Variants in LCE1F observed in about 807,000 individuals in gnomAD.
LCE1F encodes late cornified envelope 1F, also known as late cornified envelope protein 1F.
For synonymous variants in LCE1F, 67 were observed against 59.9 expected (o/e 1.12, Z -0.55); for missense variants, 154 against 153.5 (o/e 1.00, Z -0.02).
In LCE1F at chr1:152,776,481, G is replaced by T. The variant is rs115719095; in HGVS notation, c.110G>T (p.Cys37Phe). The T allele has an allele frequency of 7.6e-5, 122 of 1,599,110 alleles. No homozygotes were observed. In the East Asian group the frequency reaches 2.6e-3, roughly 35 times the overall value. Residue 37 changes from cysteine (C) to phenylalanine (F), a missense_variant, in exon 2 of 2, where the codon TGC becomes TTC. Cys to Phe is a radical substitution (Grantham distance 205). Coordinates refer to ENST00000334371, the MANE Select transcript of LCE1F (RefSeq NM_178354.3). ...TGCCCCCCAAAGTGTCCCCCTAAGTGCCCTCCTGTCTCTTCCTGCTGCAGC... is the reference window on the plus strand; with the variant it reads ...TGCCCCCCAAAGTGTCCCCCTAAGTTCCCTCCTGTCTCTTCCTGCTGCAGC... ...PKCPPKCPPKCPPVSSCCSVS... is the reference protein window; with the variant it reads ...PKCPPKCPPKFPPVSSCCSVS...
In LCE1F at chr1:152,776,511, G is replaced by C. The variant is rs768847431; in HGVS notation, c.140G>C (p.Ser47Thr). The change falls in exon 2 of 2, where the codon AGC becomes ACC. Residue 47 changes from serine (S) to threonine (T), a missense_variant. Coordinates refer to ENST00000334371, the MANE Select transcript of LCE1F (RefSeq NM_178354.3). Reference sequence around the variant, plus strand: ...CCTGTCTCTTCCTGCTGCAGCGTCAGCTCCGGAGGCTGCTGTGGCTCCAGC... The same window carrying C: ...CCTGTCTCTTCCTGCTGCAGCGTCACCTCCGGAGGCTGCTGTGGCTCCAGC... ...CPPVSSCCSV[S>T]SGGCCGSSSG... The C allele has an allele frequency of 1.9e-6, 3 of 1,602,322 alleles. No homozygotes were observed. The highest frequency in any genetic ancestry group is 2.5e-6 in the Non-Finnish European group (3 of 1,176,582).
chr1:152,776,541 G>C lies in LCE1F; in HGVS notation c.170G>C (p.Gly57Ala). Reference protein sequence around the residue: ...SSGGCCGSSSGGCCSSGGGGC... With the variant: ...SSGGCCGSSSAGCCSSGGGGC... ...GGAGGCTGCTGTGGCTCCAGCTCTG[G>C]GGGCTGCTGCAGCTCTGGGGGTGGT... The change falls in exon 2 of 2, where the codon GGG (glycine) becomes GCG (alanine). Residue 57 changes from glycine to alanine, a missense_variant. Physicochemically the swap from Gly to Ala is moderately conservative, Grantham distance 60. Coordinates refer to ENST00000334371, the MANE Select transcript of LCE1F (RefSeq NM_178354.3). The C allele has an allele frequency of 6.2e-7, 1 of 1,606,988 alleles. No individual in the cohort carries two copies. The highest frequency in any genetic ancestry group is 8.5e-7 in the Non-Finnish European group (1 of 1,174,702).
chr1:152,776,450 C>T lies in LCE1F; in HGVS notation c.79C>T (p.Pro27Ser). 1 of 1,596,668 alleles carries T rather than the reference C, an allele frequency of 6.3e-7. No homozygotes were observed. Among genetic ancestry groups the T allele is most frequent in the Non-Finnish European group, 8.5e-7 (1 of 1,175,086 alleles). The change falls in exon 2 of 2, where the codon CCG becomes TCG. Residue 27 changes from proline to serine, a missense_variant. Pro to Ser is a moderately conservative substitution (Grantham distance 74). Transcript: ENST00000334371. ...CAAGTGCCCTCCCAAGTGCCCCACA[C>T]CGAAGTGCCCCCCAAAGTGTCCCCC... Reference protein sequence around the residue: ...TPKCPPKCPTPKCPPKCPPKC... With the variant: ...TPKCPPKCPTSKCPPKCPPKC...
rs1414747405 is a variant in LCE1F at position 152,776,659 on chromosome 1, C to T, written c.288C>T (p.Cys96=). 1 of 1,606,682 alleles carries T rather than the reference C, an allele frequency of 6.2e-7. No homozygotes were observed. Among genetic ancestry groups the T allele is most frequent in the Non-Finnish European group, 8.5e-7 (1 of 1,175,946 alleles). ...ACAGACCCCAGAGCTCTGACTGCTG[C>T]AGCCAGCCCTCAGCGGGCTCCAGCT... ...HRHRPQSSDC[C]SQPSAGSSCC... is the part of the protein sequence containing the mutation. Residue 96 remains cysteine, a synonymous_variant, in exon 2 of 2, where the codon TGC becomes TGT. Coordinates refer to ENST00000334371, the MANE Select transcript of LCE1F (RefSeq NM_178354.3).
intron 1 of LCE1F, among the ~76,000 whole-genome samples, 147 bp from the exon 2 acceptor site, chr1:152,776,203 T>C (rs561668786): frequency 3.5e-4 from 53 of 152,154 alleles, no homozygotes; most frequent in Non-Finnish European, 3.4e-4. Context: ...TTGGTAAACA[T>C]TGAGAGTGAT....
chr1:152,776,933 G>A lies in LCE1F; in HGVS notation c.*205G>A, dbSNP rs564810400. 1.3e-5 allele frequency among the ~76,000 whole-genome samples: 2 copies of A among 152,250 alleles called. No individual in the cohort carries two copies. The highest frequency in any genetic ancestry group is 2.1e-4 in the South Asian group (1 of 4,818). ...GATTCCATCTGTGCGCCTGGCCTGG[G>A]AATACCAAATAGAAGTCCTTGCCTC... On this transcript the variant is annotated 3_prime_UTR_variant, in exon 2 of 2. Coordinates refer to ENST00000334371, the MANE Select transcript of LCE1F (RefSeq NM_178354.3).
rs1651595724 is a variant in LCE1F, at chr1:152,776,406, C to T, written c.35C>T (p.Pro12Leu). ...CAGCAGAGCCAGCAGCAGTGCCAGC[C>T]CCCTCCCAAGTGCACTCCCAAGTGC... ...SCQQSQQQCQ[P>L]PPKCTPKCPP... The change falls in exon 2 of 2, where the codon CCC (proline) becomes CTC (leucine). Residue 12 changes from proline (P) to leucine (L), a missense_variant. Transcript: ENST00000334371. 1 of 1,614,014 alleles carries T rather than the reference C, an allele frequency of 6.2e-7. No individual in the cohort carries two copies. Among genetic ancestry groups the T allele is most frequent in the Non-Finnish European group, 8.5e-7 (1 of 1,180,000 alleles).
chr1:152,776,620 T>G lies in LCE1F; in HGVS notation c.249T>G (p.Arg83=), dbSNP rs749984199. ...GTTGCCTGAGCCACCACAGACGGCG[T>G]AGGTCCCACCGCCACAGACCCCAGA... ...GGCCLSHHRR[R]RSHRHRPQSS... The change falls in exon 2 of 2, where the codon CGT becomes CGG. Residue 83 remains arginine, a synonymous_variant. Coordinates refer to ENST00000334371, the MANE Select transcript of LCE1F (RefSeq NM_178354.3). The G allele has an allele frequency of 1.2e-6, 2 of 1,612,254 alleles. No individual in the cohort carries two copies. Among genetic ancestry groups the G allele is most frequent in the Admixed American group, 3.3e-5 (2 of 59,994 alleles).
Position 152,776,636 on chromosome 1 carries a change from A to C in LCE1F, c.265A>C (p.Arg89=). The change falls in exon 2 of 2, where the codon AGA becomes CGA. Residue 89 remains arginine, a synonymous_variant. Transcript: ENST00000334371. The part of the protein sequence containing the change: ...HHRRRRSHRH[R]PQSSDCCSQP... ...CAGACGGCGTAGGTCCCACCGCCAC[A>C]GACCCCAGAGCTCTGACTGCTGCAG... The C allele has an allele frequency of 6.2e-7, 1 of 1,612,156 alleles. No homozygotes were observed. Among genetic ancestry groups the C allele is most frequent in the Non-Finnish European group, 8.5e-7 (1 of 1,179,520 alleles).
chr1:152,776,525 T>C lies in LCE1F; in HGVS notation c.154T>C (p.Cys52Arg). Residue 52 changes from cysteine to arginine, a missense_variant, in exon 2 of 2, where the codon TGT (cysteine) becomes CGT (arginine). Transcript: ENST00000334371. Reference sequence around the variant, plus strand: ...CTGCAGCGTCAGCTCCGGAGGCTGCTGTGGCTCCAGCTCTGGGGGCTGCTG... The same window carrying C: ...CTGCAGCGTCAGCTCCGGAGGCTGCCGTGGCTCCAGCTCTGGGGGCTGCTG... ...SCCSVSSGGC[C>R]GSSSGGCCSS... 6.5e-7 allele frequency: 1 copy of C among 1,529,984 alleles called. No homozygotes were observed. Among genetic ancestry groups the C allele is most frequent in the Non-Finnish European group, 9.0e-7 (1 of 1,112,482 alleles). 94.8% of individuals were successfully genotyped at this position (1,529,984 alleles called of 1,614,324 possible).
In LCE1F at chr1:152,776,715, G is replaced by A. The variant is rs1376260064; in HGVS notation, c.344G>A (p.Gly115Glu). The A allele has an allele frequency of 6.4e-7, 1 of 1,559,048 alleles. No homozygotes were observed. The highest frequency in any genetic ancestry group is 8.7e-7 in the Non-Finnish European group (1 of 1,154,478). ...GGAGGGGGCAGTGGCCAGCACTCTG[G>A]AGGCTGCTGCTGAAGTGGACCCTGT... is the stretch of plus-strand genomic sequence containing the variant. ...CCGGGSGQHSGGCC is the reference protein window; with the variant it reads ...CCGGGSGQHSEGCC The change falls in exon 2 of 2, where the codon GGA becomes GAA. Residue 115 changes from glycine to glutamate, a missense_variant. By Grantham distance (98) the Gly-to-Glu change is moderately conservative. Coordinates refer to ENST00000334371, the MANE Select transcript of LCE1F (RefSeq NM_178354.3).
chr1:152,776,270 C>G, intron 1 of LCE1F, 80 bp from the exon 2 acceptor site: 2 of 1,238,152 alleles, frequency 1.6e-6, no homozygotes. Context: ...AATGAAGGAT[C>G]TAGAAATAAT....
In LCE1F at chr1:152,776,582, G is replaced by C. The variant is rs147235580; in HGVS notation, c.211G>C (p.Gly71Arg). The C allele has an allele frequency of 5.7e-5, 92 of 1,613,554 alleles. No individual in the cohort carries two copies. The African/African-American group carries it at 7.7e-4, about 14-fold the overall frequency. ...SSGGGGCCSS[G>R]GGGCCLSHHR... ...TGGGGGTGGTGGCTGCTGCAGCTCT[G>C]GGGGAGGCGGCTGTTGCCTGAGCCA... Residue 71 changes from glycine to arginine, a missense_variant, in exon 2 of 2, where the codon GGG (glycine) becomes CGG (arginine). Gly to Arg is a moderately radical substitution (Grantham distance 125, BLOSUM62 -2). Coordinates refer to ENST00000334371, the MANE Select transcript of LCE1F (RefSeq NM_178354.3).
In LCE1F at chr1:152,776,776, A is replaced by C; in HGVS notation, c.*48A>C. The C allele has an allele frequency of 6.6e-7, 1 of 1,506,368 alleles. No individual in the cohort carries two copies. The highest frequency in any genetic ancestry group is 8.9e-7 in the Non-Finnish European group (1 of 1,125,570). The allele number at this position is 1,506,368 out of a possible 1,614,324, so 93.3% of individuals were successfully genotyped here. ...GCAGATTTAGAGGCATGAAAGGGGC[A>C]ACTTCATCTTCCTTGGGACTGACTG... On this transcript the variant is annotated 3_prime_UTR_variant, in exon 2 of 2. Coordinates refer to ENST00000334371, the MANE Select transcript of LCE1F (RefSeq NM_178354.3).
At chr1:152,775,806 T>A (rs1472372551) in intron 1 of LCE1F, among the ~76,000 whole-genome samples, 2 of 152,200 alleles carry the variant, frequency 1.3e-5, no homozygotes, top group East Asian at 3.8e-4. Flanking sequence ...ATGAATAACT[T>A]TGGGCCAGTG....
intron 1 of LCE1F, among the ~76,000 whole-genome samples, chr1:152,775,644 C>T (rs1258895078): frequency 6.6e-6 from 1 of 152,112 alleles, no homozygotes; most frequent in African/African-American, 2.4e-5. Flanking sequence ...TTGTTAGATG[C>T]CAACAAGAAG....
intron 1 of LCE1F, among the ~76,000 whole-genome samples, chr1:152,775,823 C>A (rs956269067): frequency 6.6e-6 from 1 of 152,164 alleles, no homozygotes; most frequent in Admixed American, 6.5e-5. Context: ...AGTGAAGTTA[C>A]CTCTTTTGGC....
At position 152,776,676 on chromosome 1, in the gene LCE1F, G is replaced by T. The variant is rs1313164289; in HGVS notation, c.305G>T (p.Gly102Val). ...SSDCCSQPSA[G>V]SSCCGGGSGQ... Reference sequence around the variant, plus strand: ...GACTGCTGCAGCCAGCCCTCAGCGGGCTCCAGCTGCTGCGGAGGGGGCAGT... The same window carrying T: ...GACTGCTGCAGCCAGCCCTCAGCGGTCTCCAGCTGCTGCGGAGGGGGCAGT... The change falls in exon 2 of 2, where the codon GGC (glycine) becomes GTC (valine). Residue 102 changes from glycine (G) to valine (V), a missense_variant. Coordinates refer to ENST00000334371, the MANE Select transcript of LCE1F (RefSeq NM_178354.3). The T allele has an allele frequency of 1.3e-6, 2 of 1,596,862 alleles. No individual in the cohort carries two copies. The highest frequency in any genetic ancestry group is 1.1e-5 in the South Asian group (1 of 88,422).
At chr1:152,775,422 T>C (rs962191390) in intron 1 of LCE1F, among the ~76,000 whole-genome samples, 12 of 152,168 alleles carry the variant, frequency 7.9e-5, no homozygotes, top group Admixed American at 7.2e-4. Context: ...TGAAGGGCTG[T>C]ATGACACAGA....
Sources: allele counts gnomAD v4.1 joint callset (sites outside exome capture counted in the v4.1 genomes callset), GRCh38; gene constraint gnomAD v4.1.1; transcripts MANE v1.5; gene names NCBI Gene and HGNC (gene_info 2026-07-23, HGNC 2026-07-21).